The following ARHGAP42 variants were observed in gnomAD, a reference collection of about 807,000 sequenced individuals.
ARHGAP42 encodes the protein rho GTPase-activating protein 42.
A neutral mutation model predicts 125.0 loss-of-function variants in ARHGAP42; 63 were observed. The observed-to-expected ratio is 0.50, with a 90% CI of 0.41 to 0.62. ARHGAP42 has a LOEUF of 0.62. Ranked by LOEUF, ARHGAP42 falls within the 20% of genes least tolerant of loss-of-function variation. The pLI is 0.00. For synonymous variants in ARHGAP42, 339 were observed against 351.0 expected, an observed-to-expected ratio of 0.97 and a Z score of 0.38; for missense variants, 766 against 1,024.2, an observed-to-expected ratio of 0.75 and a Z score of 3.44.
chr11:100,705,836 G>A (rs1591118030), intron 1 of ARHGAP42, among the ~76,000 whole-genome samples: 1 of 152,122 alleles, frequency 6.6e-6, no homozygotes, highest in East Asian at 1.9e-4. Context: ...CAGAGTGCTG[G>A]GATTATAGGC....
At chr11:100,713,435 A>G (rs1861597702) in intron 1 of ARHGAP42, among the ~76,000 whole-genome samples, 1 of 152,178 alleles carries the variant, frequency 6.6e-6, no homozygotes, top group South Asian at 2.1e-4. Flanking sequence ...CCTCTGTACA[A>G]CCTACAACCT....
chr11:100,767,991 G>T (rs1283096842), intron 1 of ARHGAP42, among the ~76,000 whole-genome samples: 1 of 152,134 alleles, frequency 6.6e-6, no homozygotes, highest in Non-Finnish European at 1.5e-5. Flanking sequence ...TACAAAATGT[G>T]ACCTTCGTGT....
chr11:100,928,816 C>T (rs1016900325), intron 6 of ARHGAP42, among the ~76,000 whole-genome samples: 1 of 152,130 alleles, frequency 6.6e-6, no homozygotes, highest in South Asian at 2.1e-4. Context: ...TATTTTCTGT[C>T]TCTATTAATT....
At chr11:100,859,459 C>A in intron 3 of ARHGAP42, 95 bp from the exon 4 acceptor site, 1 of 998,956 alleles carries the variant, frequency 1.0e-6, no homozygotes, top group Non-Finnish European at 1.4e-6. Context: ...AAAACAAAAA[C>A]AGTCTATTTG....
intron 2 of ARHGAP42, among the ~76,000 whole-genome samples, chr11:100,779,535 TATACGTATATATATACATATAC>T (rs1298452500): frequency 0.015 from 1,954 of 134,468 alleles, 65 homozygotes; most frequent in African/African-American, 0.052. Flanking sequence ...CATGCGTATA[TATACGTATATATATACATATAC>T]ATACGTATAT....
chr11:100,748,214 A>G (rs959003127), intron 1 of ARHGAP42, among the ~76,000 whole-genome samples: 14 of 152,262 alleles, frequency 9.2e-5, no homozygotes, highest in African/African-American at 3.4e-4. Flanking sequence ...GGATTGGTAC[A>G]GATGGCTCCT....
At chr11:100,854,807 A>G (rs889901494) in intron 3 of ARHGAP42, among the ~76,000 whole-genome samples, 1 of 152,174 alleles carries the variant, frequency 6.6e-6, no homozygotes, top group Non-Finnish European at 1.5e-5. Flanking sequence ...GGAAGGAAGA[A>G]CTAGATACAG....
At chr11:100,875,403 G>A (rs1028020252) in intron 4 of ARHGAP42, among the ~76,000 whole-genome samples, 31 of 152,020 alleles carry the variant, frequency 2.0e-4, no homozygotes, top group South Asian at 2.1e-4. Flanking sequence ...GGGAAAGGAC[G>A]TTGCAATTTA....
intron 3 of ARHGAP42, among the ~76,000 whole-genome samples, chr11:100,844,072 A>C (rs1176930934): frequency 6.6e-6 from 1 of 152,200 alleles, no homozygotes; most frequent in Non-Finnish European, 1.5e-5. Flanking sequence ...TAGTCACCAA[A>C]ATAGCATGGT....
chr11:100,865,582 A>G (rs554231426), intron 4 of ARHGAP42, among the ~76,000 whole-genome samples: 1 of 152,308 alleles, frequency 6.6e-6, no homozygotes, highest in South Asian at 2.1e-4. Flanking sequence ...GCTTCCTTGG[A>G]GATAGATTTT....
intron 4 of ARHGAP42, among the ~76,000 whole-genome samples, chr11:100,873,767 C>T (rs1308077099): frequency 6.6e-6 from 1 of 152,074 alleles, no homozygotes; most frequent in Non-Finnish European, 1.5e-5. Context: ...TAAACTGAGC[C>T]ACAGAAAGGG....
At chr11:100,931,318 A>T (rs1289550236) in intron 6 of ARHGAP42, among the ~76,000 whole-genome samples, 3 of 152,234 alleles carry the variant, frequency 2.0e-5, no homozygotes, top group Non-Finnish European at 4.4e-5. Context: ...CTGGAAACTT[A>T]TGTGGCTGAA....
chr11:100,973,434 C>G, intron 18 of ARHGAP42, 100 bp downstream of exon 18: 1 of 1,191,890 alleles, frequency 8.4e-7, no homozygotes. Context: ...GTATAAATTA[C>G]TTCTTAATGG....
chr11:100,740,643 G>A (rs372262514), intron 1 of ARHGAP42, among the ~76,000 whole-genome samples: 30 of 152,152 alleles, frequency 2.0e-4, no homozygotes, highest in African/African-American at 7.0e-4. Context: ...ATGTAGAATG[G>A]TTCCTGAAAG....
chr11:100,935,842 T>A (rs1867723324), intron 7 of ARHGAP42, among the ~76,000 whole-genome samples: 1 of 152,194 alleles, frequency 6.6e-6, no homozygotes, highest in Non-Finnish European at 1.5e-5. Flanking sequence ...TTTGCAGTTT[T>A]GAAACATTTT....
intron 1 of ARHGAP42, among the ~76,000 whole-genome samples, chr11:100,728,455 T>C (rs1369575038): frequency 6.6e-6 from 1 of 152,036 alleles, no homozygotes; most frequent in Non-Finnish European, 1.5e-5. Flanking sequence ...CTGAAGACTG[T>C]AGAGTTGCTA....
At chr11:100,967,524 C>G (rs568088147) in intron 17 of ARHGAP42, among the ~76,000 whole-genome samples, 1 of 152,062 alleles carries the variant, frequency 6.6e-6, no homozygotes, top group South Asian at 2.1e-4. Flanking sequence ...ATTTGCCAAT[C>G]GATGTTTTTA....
At chr11:100,963,202 C>G (rs563570894) in intron 16 of ARHGAP42, among the ~76,000 whole-genome samples, 3 of 152,212 alleles carry the variant, frequency 2.0e-5, no homozygotes, top group African/African-American at 7.2e-5. Context: ...GTGCTTCCAT[C>G]AATCCCCTCT....
chr11:100,908,871 A>G (rs1866827534), intron 4 of ARHGAP42, among the ~76,000 whole-genome samples: 1 of 152,162 alleles, frequency 6.6e-6, no homozygotes, highest in South Asian at 2.1e-4. Flanking sequence ...GGGTATAATC[A>G]TTCCCTTTTC....
Sources: allele counts gnomAD v4.1 joint callset (sites outside exome capture counted in the v4.1 genomes callset), GRCh38; gene constraint gnomAD v4.1.1; transcripts MANE v1.5; gene names NCBI Gene and HGNC (gene_info 2026-07-23, HGNC 2026-07-21).